Variants in RAPGEF1 observed in about 807,000 individuals in gnomAD.
RAPGEF1 encodes the protein Rap guanine nucleotide exchange factor 1, also known as CRK SH3-binding GNRP.
RAPGEF1 carries 33 observed loss-of-function variants against 143.3 expected under a neutral mutation model. The observed-to-expected ratio is 0.23, with a 90% confidence interval of 0.17 to 0.31. The LOEUF (loss-of-function observed/expected upper bound fraction) is 0.31, where lower values mean the gene tolerates loss of function less well. Among genes scored for constraint, RAPGEF1 ranks in the 10% least tolerant of loss-of-function variants. The pLI is 1.00. For synonymous variants in RAPGEF1, 629 were observed against 676.5 expected, an observed-to-expected ratio of 0.93 and a Z score of 1.09; for missense variants, 1,199 against 1,645.4, an observed-to-expected ratio of 0.73 and a Z score of 4.69.
chr9:131,669,752 A>G (rs999298200), intron 1 of RAPGEF1, among the ~76,000 whole-genome samples: 1 of 152,178 alleles, frequency 6.6e-6, no homozygotes, highest in Non-Finnish European at 1.5e-5. Flanking sequence ...CCCCCACGGG[A>G]GGCTCCTGAG....
intron 1 of RAPGEF1, among the ~76,000 whole-genome samples, chr9:131,736,235 T>A (rs576011318): frequency 6.6e-6 from 1 of 152,274 alleles, no homozygotes; most frequent in Admixed American, 6.5e-5. Context: ...CTCCCTAATC[T>A]GTCCAGCTCT....
intron 3 of RAPGEF1, among the ~76,000 whole-genome samples, chr9:131,648,500 T>C (rs901418646): frequency 2.6e-5 from 4 of 152,226 alleles, no homozygotes; most frequent in Admixed American, 2.6e-4. Flanking sequence ...AGGATAACGT[T>C]GTTAGTAAGT....
At chr9:131,691,669 A>T (rs1833788933) in intron 1 of RAPGEF1, among the ~76,000 whole-genome samples, 1 of 152,212 alleles carries the variant, frequency 6.6e-6, no homozygotes, top group African/African-American at 2.4e-5. Flanking sequence ...AGAGGTCTCT[A>T]ATAACTTTAA....
intron 22 of RAPGEF1, among the ~76,000 whole-genome samples, chr9:131,585,375 C>T (rs1252527185): frequency 6.6e-6 from 1 of 151,874 alleles, no homozygotes; most frequent in Non-Finnish European, 1.5e-5. Flanking sequence ...GGGGGGGCGT[C>T]TCTCTATGTT....
rs752356616 is a variant in RAPGEF1 at position 131,579,634 on chromosome 9, G to C, written c.3655C>G (p.Arg1219Gly). 1.9e-6 allele frequency: 3 copies of C among 1,613,792 alleles called. No individual in the cohort carries two copies. The African/African-American group carries it at 4.0e-5, about 22-fold the overall frequency. ...AAGTTTATAATGTCGTCGTTCCTCC[G>C]CATGTCATAGTGCCTGGTGCAGGGG... ...RCFQQAHYDM[R>G]RNDDIINFFN... The change falls in exon 27 of 27, where the codon CGG (arginine) becomes GGG (glycine). Residue 1219 changes from arginine to glycine, a missense_variant. Arg to Gly is a moderately radical substitution (Grantham distance 125). This residue lies in a region of RAPGEF1 where 67 missense variants were observed against 105.4 expected (regional missense o/e 0.64). Coordinates refer to ENST00000683357, the MANE Select transcript of RAPGEF1 (RefSeq NM_001377935.1).
At chr9:131,589,067 G>T in intron 19 of RAPGEF1, 81 bp from the exon 20 acceptor site, 1 of 1,357,276 alleles carries the variant, frequency 7.4e-7, no homozygotes. Flanking sequence ...GACACACAAA[G>T]GGCACGGGGC....
chr9:131,619,301 C>T (rs1184609379), intron 11 of RAPGEF1, 95 bp from the exon 12 acceptor site: 2 of 1,072,922 alleles, frequency 1.9e-6, no homozygotes, highest in Non-Finnish European at 2.5e-6. Context: ...GGAGGTTGCT[C>T]TCCACATCCT....
intron 1 of RAPGEF1, among the ~76,000 whole-genome samples, chr9:131,719,524 G>C (rs188076235): frequency 1.6e-4 from 24 of 147,460 alleles, no homozygotes; most frequent in African/African-American, 6.0e-4. Flanking sequence ...CTTCAACCCA[G>C]CTGGACAAGT....
Position 131,709,561 on chromosome 9 carries a change from C to G in RAPGEF1, c.61+30209G>C, listed in dbSNP as rs375494787. On this transcript the variant is annotated intron_variant, in intron 1 of 26. Coordinates refer to ENST00000683357, the MANE Select transcript of RAPGEF1 (RefSeq NM_001377935.1). Reference sequence around the variant, plus strand: ...ACTTCAGCTCTGCTGCTGGGCCAGTCTCTCAGAGAAAACTGCCTCCTTGCT... The same window carrying G: ...ACTTCAGCTCTGCTGCTGGGCCAGTGTCTCAGAGAAAACTGCCTCCTTGCT... The G allele has an allele frequency of 1.4e-4, 213 of 1,539,364 alleles. 1 individual carries two copies. Among genetic ancestry groups the G allele is most frequent in the East Asian group, 7.9e-4 (35 of 44,490 alleles).
chr9:131,642,087 TAAGAAA>T (rs2133299125), intron 4 of RAPGEF1, among the ~76,000 whole-genome samples: 1 of 152,316 alleles, frequency 6.6e-6, no homozygotes, highest in African/African-American at 2.4e-5. Flanking sequence ...GCCAGCCTCT[TAAGAAA>T]AAGCTCCTGC....
intron 1 of RAPGEF1, among the ~76,000 whole-genome samples, chr9:131,672,247 T>A (rs1203347141): frequency 6.6e-6 from 1 of 152,206 alleles, no homozygotes; most frequent in Non-Finnish European, 1.5e-5. Context: ...GAAACGTATT[T>A]TATATTACAA....
At chr9:131,723,973 G>A (rs908751526) in intron 1 of RAPGEF1, among the ~76,000 whole-genome samples, 1 of 152,188 alleles carries the variant, frequency 6.6e-6, no homozygotes, top group Non-Finnish European at 1.5e-5. Context: ...TGTGGTGGCA[G>A]TGATTGTTGC....
At chr9:131,709,877 C>T (rs1005897478) in intron 1 of RAPGEF1, 5 of 985,258 alleles carry the variant, frequency 5.1e-6, no homozygotes, top group Admixed American at 1.2e-4. Context: ...TTTCAAAATC[C>T]CTTTGGCCCC....
intron 17 of RAPGEF1, among the ~76,000 whole-genome samples, chr9:131,593,281 C>T (rs546033821): frequency 6.6e-6 from 1 of 152,306 alleles, no homozygotes; most frequent in Non-Finnish European, 1.5e-5. Flanking sequence ...ATTACAACAG[C>T]CCTATTTATT....
chr9:131,719,930 G>A (rs1461319385), intron 1 of RAPGEF1, among the ~76,000 whole-genome samples: 1 of 148,416 alleles, frequency 6.7e-6, no homozygotes, highest in Non-Finnish European at 1.5e-5. Flanking sequence ...CTGTCACCCA[G>A]GCTGAAGTAC....
Position 131,592,173 on chromosome 9 carries a change from C to T in RAPGEF1, c.2700G>A (p.Leu900=). ...ATETDRKDLV[L]YCEAFLTTYR... is the part of the protein sequence containing the mutation. ...AGGTGGTCAGGAATGCCTCGCAGTACAACACCAAATCTAGAGGGAAAAAAC... is the reference window on the plus strand; with the variant it reads ...AGGTGGTCAGGAATGCCTCGCAGTATAACACCAAATCTAGAGGGAAAAAAC... The change falls in exon 18 of 27, where the codon TTG becomes TTA. Residue 900 remains leucine (L), a synonymous_variant. Coordinates refer to ENST00000683357, the MANE Select transcript of RAPGEF1 (RefSeq NM_001377935.1). 6.4e-7 allele frequency: 1 copy of T among 1,572,452 alleles called. No homozygotes were observed. The highest frequency in any genetic ancestry group is 8.6e-7 in the Non-Finnish European group (1 of 1,162,200).
chr9:131,705,318 G>A (rs1449718878), intron 1 of RAPGEF1, among the ~76,000 whole-genome samples: 3 of 151,976 alleles, frequency 2.0e-5, no homozygotes, highest in African/African-American at 7.3e-5. Context: ...TGAACCCTGC[G>A]ACTGCCCGCC....
chr9:131,688,580 T>A (rs1833542456), intron 1 of RAPGEF1, among the ~76,000 whole-genome samples: 1 of 152,200 alleles, frequency 6.6e-6, no homozygotes, highest in African/African-American at 2.4e-5. Flanking sequence ...GATCTGCCTC[T>A]CTGCACCCTG....
chr9:131,670,237 G>A lies in RAPGEF1; in HGVS notation c.62-19288C>T, dbSNP rs573005605. Among the ~76,000 whole-genome samples, 55 of 152,308 alleles carry A rather than the reference G, an allele frequency of 3.6e-4. No individual in the cohort carries two copies. In the South Asian group the frequency reaches 0.011, roughly 32 times the overall value. ...AAACAAAGCAGAATTCAAGTTCAGA[G>A]GAAGGAGGGCTCACGTCTGCTCTTG... On this transcript the variant is annotated intron_variant, in intron 1 of 26. Transcript: ENST00000683357.
Sources: allele counts gnomAD v4.1 joint callset (sites outside exome capture counted in the v4.1 genomes callset), GRCh38; gene constraint gnomAD v4.1.1; regional missense constraint gnomAD v4.1.1; transcripts MANE v1.5; gene names NCBI Gene and HGNC (gene_info 2026-07-23, HGNC 2026-07-21).